Variants in NMNAT3 observed in about 807,000 individuals in gnomAD.
NMNAT3 encodes the protein nicotinamide/nicotinic acid mononucleotide adenylyltransferase 3.
In NMNAT3, 21 loss-of-function variants were observed where a neutral mutation model predicts 24.8. That is an observed-to-expected ratio of 0.85 (90% CI 0.60 to 1.22). The LOEUF (loss-of-function observed/expected upper bound fraction) is 1.22, where lower values mean the gene tolerates loss of function less well. Ranked by LOEUF, NMNAT3 falls within the 50% of genes most tolerant of loss-of-function variation. The pLI is 0.00. For synonymous variants in NMNAT3, 136 were observed against 155.2 expected (o/e 0.88, Z 0.92); for missense variants, 387 against 436.6 (o/e 0.89, Z 1.01).
intron 1 of NMNAT3, among the ~76,000 whole-genome samples, chr3:139,660,294 G>A (rs2057374315): frequency 6.6e-6 from 1 of 152,074 alleles, no homozygotes; most frequent in African/African-American, 2.4e-5. Context: ...AAAATTGAGT[G>A]TTCACTACAA....
intron 3 of NMNAT3, among the ~76,000 whole-genome samples, chr3:139,602,572 C>G (rs1260739882): frequency 6.6e-6 from 1 of 152,150 alleles, no homozygotes; most frequent in African/African-American, 2.4e-5. Flanking sequence ...GGTTTAGGCA[C>G]TTTAATTATT....
intron 1 of NMNAT3, among the ~76,000 whole-genome samples, chr3:139,643,443 C>T (rs927090951): frequency 5.3e-5 from 8 of 152,072 alleles, no homozygotes; most frequent in African/African-American, 1.7e-4. Context: ...TCACAGTAGC[C>T]AGAAGGTGGA....
intron 3 of NMNAT3, among the ~76,000 whole-genome samples, chr3:139,600,279 A>T (rs1371356233): frequency 6.6e-6 from 1 of 151,582 alleles, no homozygotes; most frequent in Non-Finnish European, 1.5e-5. Context: ...TAGGGTTTAA[A>T]CTTCCCTTTG....
chr3:139,581,652 A>G (rs2053621930), intron 4 of NMNAT3, among the ~76,000 whole-genome samples: 1 of 152,216 alleles, frequency 6.6e-6, no homozygotes, highest in Non-Finnish European at 1.5e-5. Flanking sequence ...AAATGTACCT[A>G]ATCTATAATA....
intron 4 of NMNAT3, among the ~76,000 whole-genome samples, chr3:139,582,040 A>G (rs1474371099): frequency 6.6e-6 from 1 of 151,318 alleles, no homozygotes; most frequent in Non-Finnish European, 1.5e-5. Flanking sequence ...TGAAAATACA[A>G]AAAAATTAGC....
At chr3:139,629,137 C>T (rs1243792199) in intron 2 of NMNAT3, among the ~76,000 whole-genome samples, 14 of 152,144 alleles carry the variant, frequency 9.2e-5, no homozygotes, top group Non-Finnish European at 1.5e-5. Context: ...TTACCAAAGG[C>T]CCCTGGCTTC....
At position 139,560,466 on chromosome 3, in the gene NMNAT3, A is replaced by G. The variant is rs1936248911; in HGVS notation, c.*544T>C. On this transcript the variant is annotated 3_prime_UTR_variant, in exon 7 of 7. Coordinates refer to ENST00000643695, the MANE Select transcript of NMNAT3 (RefSeq NM_001320510.2). ...GCAGGCAGACAATGGTTTCTAAGGC[A>G]AGATCCAGTGTAAATCAGCAATGTG... The G allele has an allele frequency of 6.5e-6, 1 of 152,766 alleles. No individual in the cohort carries two copies. The highest frequency in any genetic ancestry group is 2.4e-5 in the African/African-American group (1 of 41,464). The allele number at this position is 152,766 out of a possible 1,614,324, so 9.5% of individuals were successfully genotyped here. A position where few individuals can be genotyped will look rare whatever the true frequency, so the allele number is the denominator to read the frequency against.
chr3:139,575,515 A>G (rs1939165997), intron 5 of NMNAT3: 1 of 882,148 alleles, frequency 1.1e-6, no homozygotes, highest in African/African-American at 1.8e-5. Flanking sequence ...TACTAGATAT[A>G]CATGAAAGAG....
chr3:139,675,651 C>T (rs1040366174), intron 1 of NMNAT3, among the ~76,000 whole-genome samples: 4 of 152,180 alleles, frequency 2.6e-5, no homozygotes, highest in Non-Finnish European at 4.4e-5. Flanking sequence ...CACAATTCCT[C>T]ATACTGCCTC....
At chr3:139,570,692 G>A (rs295516) in intron 6 of NMNAT3, 50,165 of 152,514 alleles carry the variant, frequency 0.33, 10,092 homozygotes, top group South Asian at 0.61. Flanking sequence ...CTGCCTGATC[G>A]TTCCTCTGGA....
At chr3:139,572,598 T>C (rs1250902548) in intron 6 of NMNAT3, among the ~76,000 whole-genome samples, 1 of 152,274 alleles carries the variant, frequency 6.6e-6, no homozygotes, top group East Asian at 1.9e-4. Context: ...TGGCCAGTAT[T>C]TGGGGACTGT....
chr3:139,577,842 C>T (rs1939565113), intron 5 of NMNAT3: 1 of 152,176 alleles, frequency 6.6e-6, no homozygotes, highest in Admixed American at 6.5e-5. Flanking sequence ...CTTCTTTCCA[C>T]AGTAAAAGGT....
chr3:139,629,021 A>G (rs138471540), intron 2 of NMNAT3, among the ~76,000 whole-genome samples: 54 of 152,322 alleles, frequency 3.5e-4, no homozygotes, highest in Non-Finnish European at 6.9e-4. Context: ...ATGGCTCCCA[A>G]TGATCCTTTT....
At chr3:139,675,478 T>C (rs1458940110) in intron 1 of NMNAT3, among the ~76,000 whole-genome samples, 2 of 152,164 alleles carry the variant, frequency 1.3e-5, no homozygotes, top group African/African-American at 2.4e-5. Context: ...TACGCTTTCT[T>C]TGGCCTGAGT....
intron 1 of NMNAT3, chr3:139,672,831 C>G (rs1379649714): frequency 3.9e-5 from 6 of 152,168 alleles, no homozygotes; most frequent in Non-Finnish European, 8.8e-5. Flanking sequence ...TTATTTTGAA[C>G]AGGTCTTTAG....
chr3:139,633,928 G>A (rs189699365), intron 2 of NMNAT3, among the ~76,000 whole-genome samples: 20 of 152,302 alleles, frequency 1.3e-4, no homozygotes, highest in African/African-American at 4.1e-4. Flanking sequence ...AAGTGCATCC[G>A]CAAGTTTCAG....
intron 6 of NMNAT3, among the ~76,000 whole-genome samples, chr3:139,572,807 G>T (rs531953374): frequency 1.4e-4 from 22 of 152,138 alleles, no homozygotes; most frequent in African/African-American, 5.1e-4. Context: ...CATAGTAAAG[G>T]CTCTAAAAAG....
At chr3:139,616,811 T>C (rs2055526610) in intron 3 of NMNAT3, among the ~76,000 whole-genome samples, 1 of 152,170 alleles carries the variant, frequency 6.6e-6, no homozygotes, top group Non-Finnish European at 1.5e-5. Flanking sequence ...TGGACGCATA[T>C]ATTCTCATCC....
chr3:139,652,024 C>T (rs1224654376), intron 1 of NMNAT3, among the ~76,000 whole-genome samples: 1 of 152,196 alleles, frequency 6.6e-6, no homozygotes, highest in East Asian at 1.9e-4. Flanking sequence ...CACCCAGCTT[C>T]AGGCCTGCCA....
Sources: gnomAD v4.1 joint callset for allele counts (sites outside exome capture counted in the v4.1 genomes callset) on GRCh38, gnomAD v4.1.1 for gene constraint, MANE v1.5 for transcripts, NCBI Gene and HGNC (gene_info 2026-07-23, HGNC 2026-07-21) for gene names.